The following SEC16A variants were observed in gnomAD, a reference collection of about 807,000 sequenced individuals.
SEC16A encodes SEC16 homolog A, endoplasmic reticulum export factor.
Under a neutral mutation model 221.9 loss-of-function variants are expected in SEC16A, and 110 were observed. That is an observed-to-expected ratio of 0.50 (90% CI 0.42 to 0.58). SEC16A has a LOEUF of 0.58. Ranked by LOEUF, SEC16A falls within the 20% of genes least tolerant of loss-of-function variation. The pLI is 0.00. For missense variants in SEC16A, 3,165 were observed against 3,097.8 expected, an observed-to-expected ratio of 1.02 and a Z score of -0.52; for synonymous variants, 1,393 against 1,257.7, an observed-to-expected ratio of 1.11 and a Z score of -2.28.
intron 8 of SEC16A, 88 bp downstream of exon 8, chr9:136,465,874 C>G: frequency 1.5e-6 from 2 of 1,373,828 alleles, no homozygotes. Flanking sequence ...AATTCCAATC[C>G]CAGCCCTGAC....
chr9:136,459,278 G>A lies in SEC16A; in HGVS notation c.5304-39C>T. The A allele has an allele frequency of 1.9e-6, 3 of 1,580,432 alleles. No homozygotes were observed. Among genetic ancestry groups the A allele is most frequent in the Non-Finnish European group, 2.6e-6 (3 of 1,152,152 alleles). ...GAATTATTTTGATTTGGAAAAAATG[G>A]CCAATTATTGGCATAGTCAACCTTG... On this transcript the variant is annotated intron_variant, in intron 16 of 31. Coordinates refer to ENST00000684901, the MANE Select transcript of SEC16A (RefSeq NM_014866.2). This position sits in a 1 kb window ranked among gnomAD's most constrained non-coding sequence, Gnocchi z 6.1.
intron 3 of SEC16A, among the ~76,000 whole-genome samples, chr9:136,473,382 G>A (rs1017046869): frequency 1.3e-5 from 2 of 152,270 alleles, no homozygotes; most frequent in Non-Finnish European, 2.9e-5. Context: ...TGTGTACACA[G>A]ACACTTTTCG....
rs895466181 is a variant in SEC16A at position 136,466,513 on chromosome 9, C to T, written c.3930-51G>A. 11 of 1,509,528 alleles carry T rather than the reference C, an allele frequency of 7.3e-6. No individual in the cohort carries two copies. The highest frequency in any genetic ancestry group is 5.5e-5 in the African/African-American group (4 of 72,402). The allele number at this position is 1,509,528 out of a possible 1,614,324, so 93.5% of individuals were successfully genotyped here. A position where few individuals can be genotyped will look rare whatever the true frequency, so the allele number is the denominator to read the frequency against. On this transcript the variant is annotated intron_variant, in intron 6 of 31. Transcript: ENST00000684901. This position sits in a 1 kb window ranked among gnomAD's most constrained non-coding sequence, Gnocchi z 5.5. ...AGAGGAATGGGAGTGCCGGAGGCCC[C>T]GTCCCCATGTGCCACGCAGCTGCCC...
intron 17 of SEC16A, among the ~76,000 whole-genome samples, chr9:136,458,749 C>T (rs1157607140): frequency 6.6e-6 from 1 of 151,732 alleles, no homozygotes; most frequent in Admixed American, 6.6e-5. Flanking sequence ...CTGGGCAACA[C>T]AGTTTTTTTC....
rs368749150 is a variant in SEC16A, at chr9:136,472,085, T to C, written c.3594A>G (p.Arg1198=). ...ACGCAGCACCATCATAGGGCCTGTA[T>C]CGAGGCTCATAGAGGCTGTAGACAT... is the stretch of plus-strand genomic sequence containing the variant. The part of the protein sequence containing the change: ...YQDVYSLYEP[R]YRPYDGAASA... The change falls in exon 4 of 32, where the codon CGA becomes CGG. Residue 1198 remains arginine, a synonymous_variant. Transcript: ENST00000684901. 2.2e-5 allele frequency: 35 copies of C among 1,613,680 alleles called. No individual in the cohort carries two copies. The African/African-American group carries it at 4.5e-4, about 21-fold the overall frequency.
intron 8 of SEC16A, among the ~76,000 whole-genome samples, chr9:136,464,948 A>G (rs1338218396): frequency 6.6e-6 from 1 of 152,108 alleles, no homozygotes; most frequent in Non-Finnish European, 1.5e-5. Flanking sequence ...AAGGACAGCA[A>G]AACACCTCAA....
intron 29 of SEC16A, 97 bp from the exon 30 acceptor site, chr9:136,445,208 G>A: frequency 3.0e-6 from 3 of 1,014,308 alleles, no homozygotes; most frequent in South Asian, 2.8e-5. Context: ...AAAGCTTTGT[G>A]ATGCCATTAG....
upstream of SEC16A, chr9:136,483,845 G>T: frequency 1.0e-6 from 1 of 970,918 alleles, no homozygotes; most frequent in Non-Finnish European, 1.2e-6. Flanking sequence ...GGACGCGGAG[G>T]GCCGACTGCG....
chr9:136,457,754 GACC>G (rs1160881897), intron 17 of SEC16A, among the ~76,000 whole-genome samples, 170 bp from the exon 18 acceptor site: 2 of 152,010 alleles, frequency 1.3e-5, no homozygotes, highest in Non-Finnish European at 2.9e-5. Context: ...CACGCCCGCT[GACC>G]ACAGTCCTAG....
At chr9:136,445,774 C>T in intron 28 of SEC16A, 55 bp from the exon 29 acceptor site, 2 of 1,429,002 alleles carry the variant, frequency 1.4e-6, no homozygotes, top group Non-Finnish European at 9.6e-7. Flanking sequence ...TTAAGTCTCT[C>T]ACACCAGGCC....
Position 136,469,291 on chromosome 9 carries a change from C to T in SEC16A, c.3705-779G>A, listed in dbSNP as rs117921262. On this transcript the variant is annotated intron_variant, in intron 4 of 31. Coordinates refer to ENST00000684901, the MANE Select transcript of SEC16A (RefSeq NM_014866.2). ...GCTCCTGGAGCGGGATTCTAATGGC[C>T]CCACCTCCCCCTCAGGTCTCCTGGA... Among the ~76,000 whole-genome samples the T allele has an allele frequency of 1.5e-3, 227 of 152,260 alleles. 2 individuals are homozygous for T. The East Asian group carries it at 0.035, about 23-fold the overall frequency.
Position 136,472,016 on chromosome 9 carries a change from G to A in SEC16A, c.3663C>T (p.Pro1221=), listed in dbSNP as rs777563729. 3 of 1,611,696 alleles carry A rather than the reference G, an allele frequency of 1.9e-6. No individual in the cohort carries two copies. The highest frequency in any genetic ancestry group is 2.2e-5 in the East Asian group (1 of 44,876). ...QNYRYPEPER[P]SSRASHSSER... ...CCGAGGAGTGGCTGGCTCGGGAGCT[G>A]GGCCGCTCGGGCTCGGGATAGCGGT... is the stretch of plus-strand genomic sequence containing the variant. Residue 1221 remains proline, a synonymous_variant, in exon 4 of 32, where the codon CCC becomes CCT. Transcript: ENST00000684901.
chr9:136,475,820 G>T lies in SEC16A; in HGVS notation c.1796C>A (p.Pro599His), dbSNP rs1237499212. The part of the protein sequence containing the change: ...SQPSTPSPPK[P>H]TGIFQTSANS... Reference sequence around the variant, plus strand: ...TGCACTTGTCTGAAATATTCCTGTAGGTTTCGGGGGGCTCGGGGTTGAGGG... The same window carrying T: ...TGCACTTGTCTGAAATATTCCTGTATGTTTCGGGGGGCTCGGGGTTGAGGG... Residue 599 changes from proline (P) to histidine (H), a missense_variant, in exon 3 of 32, where the codon CCT becomes CAT. This residue lies in a region of SEC16A where 2,030 missense variants were observed against 1,923.1 expected (regional missense o/e 1.06). Coordinates refer to ENST00000684901, the MANE Select transcript of SEC16A (RefSeq NM_014866.2). The surrounding 1 kb of genome is among the most constrained non-coding windows in gnomAD (Gnocchi z 5.0). 6.3e-7 allele frequency: 1 copy of T among 1,581,362 alleles called. No homozygotes were observed. Among genetic ancestry groups the T allele is most frequent in the Non-Finnish European group, 8.6e-7 (1 of 1,163,516 alleles).
intron 4 of SEC16A, 126 bp from the exon 5 acceptor site, chr9:136,468,638 A>G (rs1448702397): frequency 3.3e-6 from 2 of 614,286 alleles, no homozygotes; most frequent in Non-Finnish European, 5.8e-6. Flanking sequence ...CAAAAATTCC[A>G]ATTAGAAGAT....
At chr9:136,453,387 T>A in intron 22 of SEC16A, 41 bp downstream of exon 22, 2 of 1,509,750 alleles carry the variant, frequency 1.3e-6, no homozygotes, top group Non-Finnish European at 1.8e-6. Context: ...CTCGATGAAC[T>A]TTATGGAAAA....
chr9:136,449,528 G>A (rs913114822), intron 23 of SEC16A, among the ~76,000 whole-genome samples: 38 of 152,208 alleles, frequency 2.5e-4, no homozygotes, highest in Admixed American at 1.1e-3. Flanking sequence ...GGTGACAGGC[G>A]TGAGCCGCCG....
chr9:136,474,726 C>T lies in SEC16A; in HGVS notation c.2890G>A (p.Val964Met), dbSNP rs760034925. Residue 964 changes from valine (V) to methionine (M), a missense_variant, in exon 3 of 32, where the codon GTG (valine) becomes ATG (methionine). Coordinates refer to ENST00000684901, the MANE Select transcript of SEC16A (RefSeq NM_014866.2). ...CCGTGTGCAGGTGGAACTAACACCA[C>T]ACTTGTGCTTCCAGCAGGGCTATTA... The part of the protein sequence containing the change: ...FANSPAGSTS[V>M]VLVPPAHGTL... The T allele has an allele frequency of 4.3e-6, 7 of 1,613,894 alleles. No homozygotes were observed. The South Asian group carries it at 5.5e-5, about 13-fold the overall frequency.
chr9:136,448,049 C>T, intron 24 of SEC16A, 35 bp downstream of exon 24: 1 of 1,585,166 alleles, frequency 6.3e-7, no homozygotes, highest in South Asian at 1.1e-5. Flanking sequence ...CATTACAATT[C>T]TTCGGACGTC....
At chr9:136,452,161 C>A (rs757284209) in intron 22 of SEC16A, among the ~76,000 whole-genome samples, 1 of 152,058 alleles carries the variant, frequency 6.6e-6, no homozygotes, top group African/African-American at 2.4e-5. Context: ...GAAAAAGAGA[C>A]GGCCGGGCTG....
Sources: allele counts gnomAD v4.1 joint callset (sites outside exome capture counted in the v4.1 genomes callset), GRCh38; gene constraint gnomAD v4.1.1; regional missense constraint gnomAD v4.1.1; non-coding constraint Gnocchi (gnomAD v3.1); transcripts MANE v1.5; gene names NCBI Gene and HGNC (gene_info 2026-07-23, HGNC 2026-07-21).